The following MEST variants were observed in gnomAD, a reference collection of about 807,000 sequenced individuals.
The protein encoded by MEST is mesoderm specific transcript.
MEST carries 18 observed loss-of-function variants against 50.9 expected under a neutral mutation model. The observed-to-expected ratio is 0.35, with a 90% confidence interval of 0.24 to 0.52. The LOEUF (loss-of-function observed/expected upper bound fraction) is 0.52, where lower values mean the gene tolerates loss of function less well. Among genes scored for constraint, MEST ranks in the 20% least tolerant of loss-of-function variants. The pLI is 0.94. For synonymous variants in MEST, 130 were observed against 154.1 expected, an observed-to-expected ratio of 0.84 and a Z score of 1.16; for missense variants, 282 against 425.3, an observed-to-expected ratio of 0.66 and a Z score of 2.96.
At chr7:130,496,224 T>G in intron 2 of MEST, 1 of 450,398 alleles carries the variant, frequency 2.2e-6, no homozygotes, top group South Asian at 1.7e-5. Flanking sequence ...GTATACAATT[T>G]TTATTATGTT....
At chr7:130,494,875 T>TA in intron 1 of MEST, 1 of 974,314 alleles carries the variant, frequency 1.0e-6, no homozygotes, top group Non-Finnish European at 1.2e-6. Context: ...ACACACTCTT[T>TA]AAAACATGAG....
In MEST at chr7:130,497,243, A is replaced by G. The variant is rs1276933811; in HGVS notation, c.261+8A>G. 5.6e-6 allele frequency: 9 copies of G among 1,608,888 alleles called. No homozygotes were observed. The highest frequency in any genetic ancestry group is 1.3e-5 in the African/African-American group (1 of 74,584). ...AGCTACGACTGGTACAAGGTAATGA[A>G]GTCAGACTTCTACGTCCTACTATGT... On this transcript the variant is annotated splice_region_variant and intron_variant, in intron 3 of 11. Coordinates refer to ENST00000223215, the MANE Select transcript of MEST (RefSeq NM_002402.4). The surrounding 1 kb of genome is among the most constrained non-coding windows in gnomAD (Gnocchi z 4.0).
In MEST at chr7:130,502,697, C is replaced by T. The variant is rs782403087; in HGVS notation, c.803C>T (p.Ala268Val). The T allele has an allele frequency of 3.1e-6, 5 of 1,613,662 alleles. No homozygotes were observed. Among genetic ancestry groups the T allele is most frequent in the Middle Eastern group, 1.7e-4 (1 of 6,060 alleles). The change falls in exon 10 of 12, where the codon GCT becomes GTT. Residue 268 changes from alanine to valine, a missense_variant. Coordinates refer to ENST00000223215, the MANE Select transcript of MEST (RefSeq NM_002402.4). The stretch of plus-strand genomic sequence containing the variant: ...AAGTTCAGAAGGCGCTGGGTGGGAG[C>T]TCTTGCCTCTGTAACTATCCCCAGT... The part of the protein sequence containing the change: ...RKKFRRRWVG[A>V]LASVTIPIHF...
At chr7:130,489,788 T>A (rs1798730290), upstream of MEST, 1 of 152,264 alleles carries the variant, frequency 6.6e-6, no homozygotes, top group Non-Finnish European at 1.5e-5. Flanking sequence ...CCTGTTGTCT[T>A]CAGGAGCTCT....
rs1563024011 is a variant in MEST, at chr7:130,498,400, TTCC to T, written c.477-16_477-14del. The T allele has an allele frequency of 1.9e-6, 3 of 1,614,074 alleles. No homozygotes were observed. Among genetic ancestry groups the T allele is most frequent in the South Asian group, 1.1e-5 (1 of 91,062 alleles). The stretch of plus-strand genomic sequence containing the variant: ...TAAGTTTGCTCAGCTACATGTGTGT[TTCC>T]TCGTCTCCCTTCTAGGTACAAGCAG... On this transcript the variant is annotated splice_polypyrimidine_tract_variant and intron_variant, in intron 5 of 11. Coordinates refer to ENST00000223215, the MANE Select transcript of MEST (RefSeq NM_002402.4).
chr7:130,504,496 T>G (rs781798594), intron 11 of MEST, among the ~76,000 whole-genome samples: 1 of 152,226 alleles, frequency 6.6e-6, no homozygotes, highest in Non-Finnish European at 1.5e-5. Flanking sequence ...CATACCTTCC[T>G]GTGGCCTACT....
intron 2 of MEST, chr7:130,496,609 T>A (rs2116260880): frequency 5.9e-6 from 1 of 169,434 alleles, no homozygotes; most frequent in East Asian, 1.9e-4. Context: ...GATTAAGCCC[T>A]TTTTATAGTT....
At chr7:130,501,666 G>A (rs1799279890) in intron 9 of MEST, among the ~76,000 whole-genome samples, 1 of 152,048 alleles carries the variant, frequency 6.6e-6, no homozygotes, top group African/African-American at 2.4e-5. Flanking sequence ...TTTTATCTGT[G>A]GTCAGATGAA....
At chr7:130,501,004 C>A in intron 9 of MEST, 114 bp downstream of exon 9, 1 of 832,400 alleles carries the variant, frequency 1.2e-6, no homozygotes, top group Non-Finnish European at 1.9e-6. Context: ...TGATGATGAC[C>A]TATGGGGCAA....
At position 130,497,661 on chromosome 7, in the gene MEST, T is replaced by A; in HGVS notation, c.262-275T>A. The A allele has an allele frequency of 2.2e-6, 1 of 454,414 alleles. No homozygotes were observed. The highest frequency in any genetic ancestry group is 3.9e-6 in the Non-Finnish European group (1 of 253,992). The allele number at this position is 454,414 out of a possible 1,614,324, so 28.1% of individuals were successfully genotyped here. On this transcript the variant is annotated intron_variant, in intron 3 of 11. Coordinates refer to ENST00000223215, the MANE Select transcript of MEST (RefSeq NM_002402.4). This position sits in a 1 kb window ranked among gnomAD's most constrained non-coding sequence, Gnocchi z 4.0. ...GAATTGCTTTTAAAAAAACATTAAA[T>A]GTTGAACTGTTCCTTATTTACTGAA...
upstream of MEST, among the ~76,000 whole-genome samples, chr7:130,490,483 C>T (rs1798761584): frequency 6.6e-6 from 1 of 152,144 alleles, no homozygotes; most frequent in Non-Finnish European, 1.5e-5. Flanking sequence ...CCTGTGCGCC[C>T]TCAAATTCTT....
rs781862254 is a variant in MEST, at chr7:130,492,338, AGGTGAGTGTGC to A, written c.26+4_26+14del. On this transcript the variant is annotated splice_donor_variant and splice_donor_5th_base_variant and coding_sequence_variant and intron_variant, in exon 1 of 12. Coordinates refer to ENST00000223215, the MANE Select transcript of MEST (RefSeq NM_002402.4). LOFTEE classifies it high-confidence loss of function. This position sits in a 1 kb window ranked among gnomAD's most constrained non-coding sequence, Gnocchi z 7.6. The stretch of plus-strand genomic sequence containing the variant: ...CATGGTGCGCCGAGATCGCCTCCGC[AGGTGAGTGTGC>A]GGTGGGAACGAGGGGGTGTGGCTGG... 5.2e-6 allele frequency: 7 copies of A among 1,333,896 alleles called. No individual in the cohort carries two copies. The South Asian group carries it at 1.6e-4, about 31-fold the overall frequency. 82.6% of individuals were successfully genotyped at this position (1,333,896 alleles called of 1,614,324 possible).
chr7:130,497,114 A>T lies in MEST; in HGVS notation c.182-42A>T, dbSNP rs782250453. The T allele has an allele frequency of 6.6e-7, 1 of 1,516,620 alleles. No homozygotes were observed. Among genetic ancestry groups the T allele is most frequent in the East Asian group, 2.3e-5 (1 of 43,528 alleles). 93.9% of individuals were successfully genotyped at this position (1,516,620 alleles called of 1,614,324 possible). On this transcript the variant is annotated intron_variant, in intron 2 of 11. Coordinates refer to ENST00000223215, the MANE Select transcript of MEST (RefSeq NM_002402.4). This position sits in a 1 kb window ranked among gnomAD's most constrained non-coding sequence, Gnocchi z 4.0. ...TTTTAACATCTTCGAGGTTATTTTTATAGGGATTTGGCATAATTGATTGTA... is the reference window on the plus strand; with the variant it reads ...TTTTAACATCTTCGAGGTTATTTTTTTAGGGATTTGGCATAATTGATTGTA...
chr7:130,498,643 T>G, intron 6 of MEST, 166 bp downstream of exon 6: 1 of 649,142 alleles, frequency 1.5e-6, no homozygotes, highest in South Asian at 1.9e-5. Context: ...CTGACAAGAT[T>G]TATGGACCCT....
chr7:130,491,492 T>C (rs1033780565), upstream of MEST: 3 of 152,302 alleles, frequency 2.0e-5, no homozygotes, highest in Non-Finnish European at 4.4e-5. The surrounding 1 kb of genome is among the most constrained non-coding windows in gnomAD (Gnocchi z 6.8). Flanking sequence ...TGGTGGTGGG[T>C]CCAACAGAGC....
chr7:130,487,286 ATTAC>A (rs781918034), upstream of MEST: 1 of 152,200 alleles, frequency 6.6e-6, no homozygotes, highest in Non-Finnish European at 1.5e-5. Flanking sequence ...GCAAGATTCT[ATTAC>A]TTAATTAGAA....
chr7:130,492,219 T>TGCGCCCC lies in MEST; in HGVS notation c.-94_-88dup. The TGCGCCCC allele has an allele frequency of 1.8e-6, 2 of 1,098,066 alleles. No homozygotes were observed. The highest frequency in any genetic ancestry group is 2.3e-6 in the Non-Finnish European group (2 of 870,076). 68.0% of individuals were successfully genotyped at this position (1,098,066 alleles called of 1,614,324 possible). On this transcript the variant is annotated 5_prime_UTR_variant, in exon 1 of 12. Transcript: ENST00000223215. This position sits in a 1 kb window ranked among gnomAD's most constrained non-coding sequence, Gnocchi z 7.6. ...CCTGCGCGGGCTGTGGGCTGCGGGC[T>TGCGCCCC]GCGCCCCCGCTGCTGGCCAGCTCTG... is the stretch of plus-strand genomic sequence containing the variant.
intron 4 of MEST, 37 bp from the exon 5 acceptor site, chr7:130,498,102 G>A: frequency 6.2e-7 from 1 of 1,614,074 alleles, no homozygotes; most frequent in Non-Finnish European, 8.5e-7. Context: ...CTGTCCTCAT[G>A]ACTTCATCCT....
rs1418135756 is a variant in MEST at position 130,505,662 on chromosome 7, G to T, written c.*606G>T. 2.0e-5 allele frequency: 3 copies of T among 152,164 alleles called. No homozygotes were observed. The highest frequency in any genetic ancestry group is 2.9e-5 in the Non-Finnish European group (2 of 68,040). The allele number at this position is 152,164 out of a possible 1,614,324, so 9.4% of individuals were successfully genotyped here. On this transcript the variant is annotated 3_prime_UTR_variant, in exon 12 of 12. Transcript: ENST00000223215. ...TATTTTAGGTATGATTTAAGACTAT[G>T]ATTTACCTATACATTATATATATTT...
Sources: allele counts gnomAD v4.1 joint callset (sites outside exome capture counted in the v4.1 genomes callset), GRCh38; gene constraint gnomAD v4.1.1; non-coding constraint Gnocchi (gnomAD v3.1); transcripts MANE v1.5; gene names NCBI Gene and HGNC (gene_info 2026-07-23, HGNC 2026-07-21).